WASHC3: variants seen among roughly 807,000 people sequenced by gnomAD.
WASHC3 encodes the protein WASH complex subunit CCDC53.
WASHC3 carries 24 observed loss-of-function variants against 26.1 expected under a neutral mutation model. That is an observed-to-expected ratio of 0.92 (90% CI 0.66 to 1.29). WASHC3 has a LOEUF of 1.29. Ranked by LOEUF, WASHC3 falls within the 50% of genes most tolerant of loss-of-function variation. WASHC3 has a pLI of 0.00. For synonymous variants in WASHC3, 77 were observed against 75.7 expected (o/e 1.02, Z -0.09); for missense variants, 214 against 229.6 (o/e 0.93, Z 0.44).
chr12:102,047,245 G>A (rs1024958214), intron 2 of WASHC3, among the ~76,000 whole-genome samples: 1 of 152,130 alleles, frequency 6.6e-6, no homozygotes, highest in African/African-American at 2.4e-5. Context: ...ACAGCATCCT[G>A]ATTGTATTCT....
intron 5 of WASHC3, among the ~76,000 whole-genome samples, chr12:102,035,624 G>A (rs973209295): frequency 1.3e-5 from 2 of 152,036 alleles, no homozygotes; most frequent in African/African-American, 4.8e-5. Context: ...ACATATCCAG[G>A]TAGCACAAAG....
intron 5 of WASHC3, among the ~76,000 whole-genome samples, chr12:102,028,419 A>T (rs1346243177): frequency 6.6e-6 from 1 of 152,142 alleles, no homozygotes; most frequent in Non-Finnish European, 1.5e-5. Flanking sequence ...TTAATGTCAT[A>T]GTTCTTTAAA....
intron 5 of WASHC3, among the ~76,000 whole-genome samples, chr12:102,029,739 G>C (rs541922283): frequency 2.0e-5 from 3 of 152,158 alleles, no homozygotes; most frequent in African/African-American, 7.2e-5. Flanking sequence ...AGTGTGAATT[G>C]TAACAATTCA....
intron 6 of WASHC3, among the ~76,000 whole-genome samples, chr12:102,014,079 T>TC (rs1876597180): frequency 3.6e-5 from 1 of 28,078 alleles, no homozygotes; most frequent in East Asian, 8.3e-4. Flanking sequence ...CTACATCTTT[T>TC]TTTTTTTTTT....
At chr12:102,045,681 A>C (rs1159392016) in intron 3 of WASHC3, among the ~76,000 whole-genome samples, 2 of 152,216 alleles carry the variant, frequency 1.3e-5, no homozygotes, top group African/African-American at 4.8e-5. Flanking sequence ...TTGTCTCTAA[A>C]ATTTGCTCTG....
At chr12:102,039,127 GGTTTTTTTTTT>G (rs1877817459) in intron 5 of WASHC3, among the ~76,000 whole-genome samples, 1 of 84,272 alleles carries the variant, frequency 1.2e-5, no homozygotes, top group Non-Finnish European at 2.3e-5. Flanking sequence ...TATGGAGTTA[GGTTTTTTTTTT>G]TTTTTTTTTT....
chr12:102,034,280 G>A (rs1440650292), intron 5 of WASHC3, among the ~76,000 whole-genome samples: 1 of 152,098 alleles, frequency 6.6e-6, no homozygotes, highest in Non-Finnish European at 1.5e-5. Flanking sequence ...CTGAGGTATA[G>A]AGATACAAAG....
chr12:102,024,434 T>A (rs573485412), intron 6 of WASHC3, among the ~76,000 whole-genome samples: 1 of 152,244 alleles, frequency 6.6e-6, no homozygotes, highest in African/African-American at 2.4e-5. Context: ...TATGGTGAGA[T>A]GTGAGAGATA....
chr12:102,030,904 GTATCATTGC>G (rs1877407228), intron 5 of WASHC3, among the ~76,000 whole-genome samples: 1 of 152,112 alleles, frequency 6.6e-6, no homozygotes, highest in African/African-American at 2.4e-5. Flanking sequence ...ACTTTTAGCA[GTATCATTGC>G]TTACTGCCCT....
chr12:102,048,034 A>C (rs1011026209), intron 2 of WASHC3, among the ~76,000 whole-genome samples: 1 of 152,206 alleles, frequency 6.6e-6, no homozygotes, highest in African/African-American at 2.4e-5. Flanking sequence ...CTGTTAAAAC[A>C]TAATGGTAAA....
chr12:102,017,730 T>A, intron 6 of WASHC3: 1 of 412,610 alleles, frequency 2.4e-6, no homozygotes, highest in Admixed American at 3.1e-5. Context: ...CTGCAATGTA[T>A]GAGGGTTCCA....
intron 6 of WASHC3, among the ~76,000 whole-genome samples, chr12:102,025,124 A>T (rs1014160158): frequency 1.3e-5 from 2 of 152,202 alleles, no homozygotes; most frequent in Non-Finnish European, 2.9e-5. Flanking sequence ...ATTTTCTTGG[A>T]GGACTGAGAG....
intron 2 of WASHC3, among the ~76,000 whole-genome samples, chr12:102,052,368 G>C (rs1046177268): frequency 1.7e-4 from 25 of 151,238 alleles, no homozygotes; most frequent in African/African-American, 5.1e-4. Context: ...CCTCAGCCCA[G>C]ACTCCAGGCT....
chr12:102,048,568 GA>G (rs1184249078), intron 2 of WASHC3, among the ~76,000 whole-genome samples: 6 of 137,756 alleles, frequency 4.4e-5, no homozygotes, highest in African/African-American at 8.0e-5. Context: ...CGTCTCAAAA[GA>G]AAAAAAAAAG....
intron 5 of WASHC3, among the ~76,000 whole-genome samples, chr12:102,030,986 G>T (rs1000671371): frequency 9.2e-5 from 14 of 152,180 alleles, no homozygotes; most frequent in African/African-American, 2.6e-4. Flanking sequence ...ATAATAGGCA[G>T]ATTTAATGTC....
At chr12:102,049,470 G>A (rs2136681012) in intron 2 of WASHC3, among the ~76,000 whole-genome samples, 2 of 152,216 alleles carry the variant, frequency 1.3e-5, no homozygotes, top group Admixed American at 1.3e-4. Context: ...GGGATAACAG[G>A]GGAATTTACA....
At chr12:102,017,878 A>C in intron 6 of WASHC3, 1 of 350,256 alleles carries the variant, frequency 2.9e-6, no homozygotes, top group South Asian at 2.3e-5. Flanking sequence ...TGTTTAGTAC[A>C]TTCACATTGT....
intron 2 of WASHC3, among the ~76,000 whole-genome samples, chr12:102,056,742 CAAT>C (rs1248470848): frequency 6.6e-6 from 1 of 152,054 alleles, no homozygotes; most frequent in Non-Finnish European, 1.5e-5. Context: ...CTGAACAGAC[CAAT>C]AATAAGTAGA....
chr12:102,057,415 T>C (rs1291441213), intron 2 of WASHC3, among the ~76,000 whole-genome samples: 2 of 152,132 alleles, frequency 1.3e-5, no homozygotes, highest in East Asian at 1.9e-4. Flanking sequence ...GTCCTAGCTA[T>C]AGTAATTAGA....
Sources: allele counts gnomAD v4.1 joint callset (sites outside exome capture counted in the v4.1 genomes callset), GRCh38; gene constraint gnomAD v4.1.1; transcripts MANE v1.5; gene names NCBI Gene and HGNC (gene_info 2026-07-23, HGNC 2026-07-21).